ATP11A: variants seen among roughly 807,000 people sequenced by gnomAD.
ATP11A encodes ATPase phospholipid transporting 11A.
ATP11A carries 81 observed loss-of-function variants against 154.4 expected under a neutral mutation model. The ratio of observed to expected loss-of-function variants is 0.52; its 90% CI spans 0.44 to 0.63. The LOEUF (loss-of-function observed/expected upper bound fraction) is 0.63. ATP11A is among the 30% of genes least tolerant of loss of function. The pLI, the probability that ATP11A is intolerant of heterozygous loss-of-function variation, is 0.00. For synonymous variants in ATP11A, 623 were observed against 585.9 expected (o/e 1.06, Z -0.91); for missense variants, 1,316 against 1,474.3 (o/e 0.89, Z 1.76).
chr13:112,881,756 C>T, intron 29 of ATP11A, 120 bp from the exon 30 acceptor site: 1 of 1,339,166 alleles, frequency 7.5e-7, no homozygotes, highest in Non-Finnish European at 9.9e-7. Flanking sequence ...TGGCTCAGGT[C>T]ACCCCAGGCA....
intron 1 of ATP11A, among the ~76,000 whole-genome samples, chr13:112,731,858 G>A (rs141911725): frequency 5.7e-4 from 86 of 151,440 alleles, no homozygotes; most frequent in Non-Finnish European, 1.0e-3. Context: ...GAAGGGAGCA[G>A]TGGCCTGAGG....
At chr13:112,744,756 A>T (rs1891939512) in intron 1 of ATP11A, among the ~76,000 whole-genome samples, 1 of 152,216 alleles carries the variant, frequency 6.6e-6, no homozygotes, top group Non-Finnish European at 1.5e-5. Context: ...AGTGCTCTGA[A>T]CAGTGTTCCA....
intron 16 of ATP11A, among the ~76,000 whole-genome samples, chr13:112,837,136 G>C (rs966015569): frequency 6.6e-6 from 1 of 152,154 alleles, no homozygotes; most frequent in Non-Finnish European, 1.5e-5. Flanking sequence ...CGTGGGCTCC[G>C]TCTGCAGAGG....
In ATP11A at chr13:112,884,769, CAG is replaced by C. The variant is rs557739220; in HGVS notation, c.*2905_*2906del. On this transcript the variant is annotated 3_prime_UTR_variant, in exon 30 of 30. Coordinates refer to ENST00000375645, the MANE Select transcript of ATP11A (RefSeq NM_015205.3). ...ACCCAGTCCCTGCCACAGACCGTCT[CAG>C]ACACGCACAGTGGGCCTGCTGCATG... 3.5e-4 allele frequency: 53 copies of C among 152,280 alleles called. No individual in the cohort carries two copies. The highest frequency in any genetic ancestry group is 1.2e-3 in the African/African-American group (51 of 41,468). The allele number at this position is 152,280 out of a possible 1,614,324, so 9.4% of individuals were successfully genotyped here.
intron 1 of ATP11A, among the ~76,000 whole-genome samples, chr13:112,784,886 G>T (rs1000415058): frequency 6.6e-6 from 1 of 152,194 alleles, no homozygotes; most frequent in African/African-American, 2.4e-5. Flanking sequence ...GAAGTTCACT[G>T]TGTGGCTCTC....
chr13:112,718,947 C>G (rs189937764), intron 1 of ATP11A, among the ~76,000 whole-genome samples: 1 of 152,060 alleles, frequency 6.6e-6, no homozygotes, highest in Non-Finnish European at 1.5e-5. Context: ...CCCAAAGTGC[C>G]GGGATTACAG....
rs995012906 is a variant in ATP11A, at chr13:112,690,176, C to T, written c.-241C>T. 2.0e-5 allele frequency among the ~76,000 whole-genome samples: 3 copies of T among 148,252 alleles called. No homozygotes were observed. The highest frequency in any genetic ancestry group is 4.5e-5 in the Non-Finnish European group (3 of 66,478). ...AAGGCGCCAGAGCGCGCGCGCGCGG[C>T]CCCGAGCAGCAGCCTTGCCGCCAGT... On this transcript the variant is annotated 5_prime_UTR_variant, in exon 1 of 30. Coordinates refer to ENST00000375645, the MANE Select transcript of ATP11A (RefSeq NM_015205.3). The surrounding 1 kb of genome is among the most constrained non-coding windows in gnomAD (Gnocchi z 5.6).
intron 1 of ATP11A, among the ~76,000 whole-genome samples, chr13:112,720,119 T>C (rs1888985556): frequency 6.6e-6 from 1 of 152,204 alleles, no homozygotes; most frequent in Non-Finnish European, 1.5e-5. Context: ...ATTCTGAGCC[T>C]GTCTAAGTGA....
Position 112,731,137 on chromosome 13 carries a change from G to A in ATP11A, c.39+40682G>A, listed in dbSNP as rs10467694. On this transcript the variant is annotated intron_variant, in intron 1 of 29. Transcript: ENST00000375645. Reference sequence around the variant, plus strand: ...TGTAGTAGAGACAGGGTTTCACCATGTTGGCCAGGCTGGTCTGGAACTCCT... The same window carrying A: ...TGTAGTAGAGACAGGGTTTCACCATATTGGCCAGGCTGGTCTGGAACTCCT... Among the ~76,000 whole-genome samples the A allele has an allele frequency of 3.9e-3, 596 of 151,976 alleles. 7 individuals carry two copies. Among genetic ancestry groups the A allele is most frequent in the African/African-American group, 0.014 (568 of 41,330 alleles).
At chr13:112,818,889 C>T (rs958234218) in intron 6 of ATP11A, among the ~76,000 whole-genome samples, 5 of 152,214 alleles carry the variant, frequency 3.3e-5, no homozygotes, top group African/African-American at 1.2e-4. Flanking sequence ...CAGCAACGGG[C>T]ACAGGCAGGT....
At chr13:112,860,149 C>A (rs2080059742) in intron 23 of ATP11A, 138 bp from the exon 24 acceptor site, 3 of 929,102 alleles carry the variant, frequency 3.2e-6, no homozygotes, top group African/African-American at 3.3e-5. Flanking sequence ...TATCACAGAC[C>A]CTAGTTTATA....
chr13:112,741,380 C>T (rs1007533614), intron 1 of ATP11A, among the ~76,000 whole-genome samples: 1 of 145,362 alleles, frequency 6.9e-6, no homozygotes, highest in African/African-American at 2.6e-5. Context: ...AAGCTGTAGT[C>T]GGGAGGGTTG....
At position 112,838,537 on chromosome 13, in the gene ATP11A, A is replaced by C. The variant is rs1264282654; in HGVS notation, c.1705+2286A>C. Among the ~76,000 whole-genome samples the C allele has an allele frequency of 6.6e-6, 1 of 152,238 alleles. No individual in the cohort carries two copies. The highest frequency in any genetic ancestry group is 1.5e-5 in the Non-Finnish European group (1 of 68,038). ...CACTCACCCCGGAGCTGGCCCTGCCACACGCTCACAAGGGGTTTTTGCTGC... is the reference window on the plus strand; with the variant it reads ...CACTCACCCCGGAGCTGGCCCTGCCCCACGCTCACAAGGGGTTTTTGCTGC... On this transcript the variant is annotated intron_variant, in intron 16 of 29. Coordinates refer to ENST00000375645, the MANE Select transcript of ATP11A (RefSeq NM_015205.3). This position sits in a 1 kb window ranked among gnomAD's most constrained non-coding sequence, Gnocchi z 7.3.
intron 1 of ATP11A, among the ~76,000 whole-genome samples, chr13:112,712,592 G>A (rs939908552): frequency 3.9e-5 from 6 of 152,158 alleles, no homozygotes; most frequent in South Asian, 2.1e-4. Context: ...TGATGGTCCC[G>A]GCTGGTCAGC....
chr13:112,850,212 G>A (rs375256293), intron 17 of ATP11A, among the ~76,000 whole-genome samples: 2 of 152,254 alleles, frequency 1.3e-5, no homozygotes, highest in East Asian at 1.9e-4. Context: ...GCATTCTGCC[G>A]GATTTTAAAA....
chr13:112,694,839 T>C (rs777258120), intron 1 of ATP11A, among the ~76,000 whole-genome samples: 1 of 152,266 alleles, frequency 6.6e-6, no homozygotes. Flanking sequence ...CAAACTGTTA[T>C]AAGTTTTTTT....
chr13:112,719,220 G>T (rs1380680065), intron 1 of ATP11A, among the ~76,000 whole-genome samples: 1 of 152,220 alleles, frequency 6.6e-6, no homozygotes, highest in Non-Finnish European at 1.5e-5. Flanking sequence ...CCCTCAGGAT[G>T]CCCTGTGACG....
chr13:112,767,422 A>AG (rs779663889), intron 1 of ATP11A, among the ~76,000 whole-genome samples: 3 of 29,128 alleles, frequency 1.0e-4, no homozygotes, highest in African/African-American at 9.0e-4. Context: ...GAAGGTGGGG[A>AG]GATGTGGGGG....
chr13:112,694,473 G>C (rs1181512637), intron 1 of ATP11A, among the ~76,000 whole-genome samples: 1 of 152,176 alleles, frequency 6.6e-6, no homozygotes, highest in African/African-American at 2.4e-5. Context: ...GCATGGTGTG[G>C]AGCTCAGGTA....
Sources: allele counts gnomAD v4.1 joint callset (sites outside exome capture counted in the v4.1 genomes callset), GRCh38; gene constraint gnomAD v4.1.1; non-coding constraint Gnocchi (gnomAD v3.1); transcripts MANE v1.5; gene names NCBI Gene and HGNC (gene_info 2026-07-23, HGNC 2026-07-21).